The following PIEZO2 variants were observed in gnomAD, a reference collection of about 807,000 sequenced individuals.
PIEZO2 encodes piezo type mechanosensitive ion channel component 2.
PIEZO2 carries 172 observed loss-of-function variants against 337.3 expected under a neutral mutation model. The ratio of observed to expected loss-of-function variants is 0.51; its 90% CI spans 0.45 to 0.58. PIEZO2 has a LOEUF of 0.58. PIEZO2 is among the 20% of genes least tolerant of loss of function. The probability of loss-of-function intolerance (pLI) is 0.00; values close to 1 mark genes in which losing one functional copy is unlikely to be tolerated. For missense variants in PIEZO2, 3,028 were observed against 3,391.3 expected (o/e 0.89, Z 2.66); for synonymous variants, 1,251 against 1,228.5 (o/e 1.02, Z -0.38).
At position 10,871,379 on chromosome 18, in the gene PIEZO2, C is replaced by T; in HGVS notation, c.366G>A (p.Val122=). The stretch of plus-strand genomic sequence containing the variant: ...TGAACATCCCGATGTCAGGTACAAA[C>T]ACTCTGATCCCATTGCCAGCATCAG... ...KGADAGNGIR[V]FVPDIGMFIA... The change falls in exon 5 of 56, where the codon GTG becomes GTA. Residue 122 remains valine, a synonymous_variant. Coordinates refer to ENST00000674853, the MANE Select transcript of PIEZO2 (RefSeq NM_001378183.1). The T allele has an allele frequency of 6.5e-7, 1 of 1,537,348 alleles. No homozygotes were observed. The highest frequency in any genetic ancestry group is 8.7e-7 in the Non-Finnish European group (1 of 1,146,882).
At position 10,767,844 on chromosome 18, in the gene PIEZO2, C is replaced by T. The variant is rs2038429542; in HGVS notation, c.2946+2304G>A. Among the ~76,000 whole-genome samples, 1 of 152,130 alleles carries T rather than the reference C, an allele frequency of 6.6e-6. No homozygotes were observed. Among genetic ancestry groups the T allele is most frequent in the Non-Finnish European group, 1.5e-5 (1 of 68,022 alleles). On this transcript the variant is annotated intron_variant, in intron 21 of 55. Coordinates refer to ENST00000674853, the MANE Select transcript of PIEZO2 (RefSeq NM_001378183.1). The surrounding 1 kb of genome is among the most constrained non-coding windows in gnomAD (Gnocchi z 4.2). ...GGCAACCAGGGGCTGGGTGTCAGTG[C>T]CGGCCAAGAGTGGCTGTGGGATGCC...
intron 17 of PIEZO2, among the ~76,000 whole-genome samples, chr18:10,782,456 ATATAT>A (rs2039058933): frequency 2.5e-5 from 1 of 40,792 alleles, no homozygotes; most frequent in East Asian, 1.1e-3. Context: ...TATATAGTAT[ATATAT>A]TATATTAAAT....
chr18:10,847,005 G>C lies in PIEZO2; in HGVS notation c.917+8348C>G, dbSNP rs1394278050. On this transcript the variant is annotated intron_variant, in intron 7 of 55. Transcript: ENST00000674853. This position sits in a 1 kb window ranked among gnomAD's most constrained non-coding sequence, Gnocchi z 5.7. ...TACTACACCCACCCACTCTGGGCTG[G>C]GCACTATCTTCACCCCTATTTTATA... is the stretch of plus-strand genomic sequence containing the variant. Among the ~76,000 whole-genome samples the C allele has an allele frequency of 2.6e-5, 4 of 152,128 alleles. No individual in the cohort carries two copies. Among genetic ancestry groups the C allele is most frequent in the African/African-American group, 9.7e-5 (4 of 41,400 alleles).
Position 11,149,455 on chromosome 18 carries a change from AG to A in PIEZO2, c.-868del, listed in dbSNP as rs896107340. Among the ~76,000 whole-genome samples, 1 of 151,926 alleles carries A rather than the reference AG, an allele frequency of 6.6e-6. No homozygotes were observed. Among genetic ancestry groups the A allele is most frequent in the Admixed American group, 6.5e-5 (1 of 15,270 alleles). On this transcript the variant is annotated 5_prime_UTR_variant, in exon 1 of 56. Transcript: ENST00000674853. This position sits in a 1 kb window ranked among gnomAD's most constrained non-coding sequence, Gnocchi z 8.7. ...CTCCACCGCCTCAATTTAAAACTCAAGAGAAAAACCAGCGCCGTCCCGTCGC... is the reference window on the plus strand; with the variant it reads ...CTCCACCGCCTCAATTTAAAACTCAAAGAAAAACCAGCGCCGTCCCGTCGC...
chr18:10,699,115 A>G lies in PIEZO2; in HGVS notation c.6504T>C (p.Asp2168=). The part of the protein sequence containing the change: ...TESGMAREES[D]DELSLGHGRR... ...TGCCATGACCGAGGGAGAGCTCATC[A>G]TCTGATTCCTCCCTGGCCATGCCAC... The change falls in exon 44 of 56, where the codon GAT becomes GAC. Residue 2168 remains aspartate, a synonymous_variant. Coordinates refer to ENST00000674853, the MANE Select transcript of PIEZO2 (RefSeq NM_001378183.1). The G allele has an allele frequency of 6.5e-7, 1 of 1,537,190 alleles. No homozygotes were observed. The highest frequency in any genetic ancestry group is 8.7e-7 in the Non-Finnish European group (1 of 1,146,908).
At chr18:10,955,223 A>C (rs116064672) in intron 3 of PIEZO2, among the ~76,000 whole-genome samples, 179 of 152,362 alleles carry the variant, frequency 1.2e-3, no homozygotes, top group African/African-American at 4.3e-3. Flanking sequence ...AATTACATTC[A>C]TATCAAGATC....
chr18:10,821,450 A>T lies in PIEZO2; in HGVS notation c.918-14176T>A, dbSNP rs978149742. On this transcript the variant is annotated intron_variant, in intron 7 of 55. Coordinates refer to ENST00000674853, the MANE Select transcript of PIEZO2 (RefSeq NM_001378183.1). The surrounding 1 kb of genome is among the most constrained non-coding windows in gnomAD (Gnocchi z 4.2). ...TATACTTGCATAAAGGTATCTACCT[A>T]CCCACCTAGAAGTAGAATGTTCTGA... Among the ~76,000 whole-genome samples, 1 of 152,222 alleles carries T rather than the reference A, an allele frequency of 6.6e-6. No individual in the cohort carries two copies. The highest frequency in any genetic ancestry group is 2.4e-5 in the African/African-American group (1 of 41,468).
chr18:10,812,381 G>T (rs1189494150), intron 7 of PIEZO2, among the ~76,000 whole-genome samples: 1 of 152,170 alleles, frequency 6.6e-6, no homozygotes, highest in Non-Finnish European at 1.5e-5. Context: ...CTACTTGAGG[G>T]TGAGGGTGGG....
chr18:10,762,987 CGAT>C lies in PIEZO2; in HGVS notation c.3055_3057del (p.Ile1019del). ...TGGAGCTGGTACAACATTTTGCAGA[CGAT>C]GATCACACACGTCCAGACTGTGCAG... On this transcript the variant is annotated inframe_deletion, in exon 22 of 56. Transcript: ENST00000674853. 6.5e-7 allele frequency: 1 copy of C among 1,537,302 alleles called. No individual in the cohort carries two copies. Among genetic ancestry groups the C allele is most frequent in the Non-Finnish European group, 8.7e-7 (1 of 1,146,922 alleles).
chr18:10,916,004 G>A (rs1254848460), intron 3 of PIEZO2, among the ~76,000 whole-genome samples: 2 of 150,892 alleles, frequency 1.3e-5, no homozygotes, highest in Non-Finnish European at 3.0e-5. Context: ...CAAACCTTGA[G>A]CTAGTCACAG....
intron 18 of PIEZO2, among the ~76,000 whole-genome samples, chr18:10,779,738 G>T (rs764692672): frequency 6.6e-6 from 1 of 152,090 alleles, no homozygotes; most frequent in African/African-American, 2.4e-5. Context: ...CACTTCATGG[G>T]TAAGGCGCTG....
chr18:10,883,203 T>TTGTATATAG (rs1248065476), intron 4 of PIEZO2, among the ~76,000 whole-genome samples: 1 of 152,198 alleles, frequency 6.6e-6, no homozygotes, highest in African/African-American at 2.4e-5. Context: ...ATCTTGGCTA[T>TTGTATATAG]TGTATATAGT....
chr18:11,146,369 G>T lies in PIEZO2; in HGVS notation c.64+2156C>A, dbSNP rs932363123. ...CCAGCCAGCAGGAGGTGAACAGTGT[G>T]CGGGCACCACAGAAGAAGCTCGGTG... On this transcript the variant is annotated intron_variant, in intron 1 of 55. Transcript: ENST00000674853. This position sits in a 1 kb window ranked among gnomAD's most constrained non-coding sequence, Gnocchi z 6.1. Among the ~76,000 whole-genome samples, 1 of 152,180 alleles carries T rather than the reference G, an allele frequency of 6.6e-6. No individual in the cohort carries two copies. The highest frequency in any genetic ancestry group is 1.9e-4 in the East Asian group (1 of 5,178).
chr18:11,030,931 A>G (rs1320855590), intron 2 of PIEZO2, among the ~76,000 whole-genome samples: 1 of 152,202 alleles, frequency 6.6e-6, no homozygotes, highest in African/African-American at 2.4e-5. Context: ...TTAGATTAGC[A>G]AGATTTGCAA....
At chr18:10,921,186 CA>C (rs1488282289) in intron 3 of PIEZO2, among the ~76,000 whole-genome samples, 1 of 151,926 alleles carries the variant, frequency 6.6e-6, no homozygotes, top group African/African-American at 2.4e-5. Context: ...TGATGTGTAT[CA>C]AAAAAGTTTC....
At chr18:10,818,259 C>T (rs924276112) in intron 7 of PIEZO2, among the ~76,000 whole-genome samples, 2 of 152,092 alleles carry the variant, frequency 1.3e-5, no homozygotes, top group Admixed American at 1.3e-4. Context: ...CCATGTTAAC[C>T]TTCAATGATG....
In PIEZO2 at chr18:11,077,368, T is replaced by C. The variant is rs1014757968; in HGVS notation, c.65-11146A>G. ...GGTTTGTGTCATGGTATTTGCTGAT[T>C]TAGAAATCACTAATCAGGCCAGGTG... On this transcript the variant is annotated intron_variant, in intron 1 of 55. Transcript: ENST00000674853. The surrounding 1 kb of genome is among the most constrained non-coding windows in gnomAD (Gnocchi z 4.8). Among the ~76,000 whole-genome samples the C allele has an allele frequency of 1.4e-4, 21 of 152,166 alleles. No homozygotes were observed. The highest frequency in any genetic ancestry group is 4.6e-4 in the African/African-American group (19 of 41,432).
chr18:11,111,496 C>T lies in PIEZO2; in HGVS notation c.64+37029G>A, dbSNP rs1336299030. Among the ~76,000 whole-genome samples, 2 of 152,228 alleles carry T rather than the reference C, an allele frequency of 1.3e-5. No individual in the cohort carries two copies. The highest frequency in any genetic ancestry group is 2.1e-4 in the South Asian group (1 of 4,830). On this transcript the variant is annotated intron_variant, in intron 1 of 55. Transcript: ENST00000674853. The surrounding 1 kb of genome is among the most constrained non-coding windows in gnomAD (Gnocchi z 6.2). ...CAATAGGCTGCCCCTTCTGGAGAAG[C>T]ATGCACCACCCAGTGGCCAGGGCCC...
At chr18:10,974,360 G>A (rs930949750) in intron 3 of PIEZO2, among the ~76,000 whole-genome samples, 3 of 152,286 alleles carry the variant, frequency 2.0e-5, no homozygotes, top group African/African-American at 7.2e-5. Flanking sequence ...CCTCCCACAG[G>A]GGGAAAGAGC....
Sources: allele counts gnomAD v4.1 joint callset (sites outside exome capture counted in the v4.1 genomes callset), GRCh38; gene constraint gnomAD v4.1.1; non-coding constraint Gnocchi (gnomAD v3.1); transcripts MANE v1.5; gene names NCBI Gene and HGNC (gene_info 2026-07-23, HGNC 2026-07-21).